The following TTC27 variants were observed in gnomAD, a reference collection of about 807,000 sequenced individuals.
The protein encoded by TTC27 is tetratricopeptide repeat protein 27.
In TTC27, 79 loss-of-function variants were observed where a neutral mutation model predicts 115.9. That is an observed-to-expected ratio of 0.68 (90% confidence interval 0.57 to 0.82). The LOEUF (loss-of-function observed/expected upper bound fraction) is 0.82. Among genes scored for constraint, TTC27 ranks in the 40% least tolerant of loss-of-function variants. The pLI, the probability that TTC27 is intolerant of heterozygous loss-of-function variation, is 0.00. For missense variants in TTC27, 1,054 were observed against 993.1 expected (o/e 1.06, Z -0.82); for synonymous variants, 401 against 356.0 (o/e 1.13, Z -1.42).
At chr2:32,713,805 C>A (rs1257351964) in intron 10 of TTC27, among the ~76,000 whole-genome samples, 1 of 151,952 alleles carries the variant, frequency 6.6e-6, no homozygotes, top group Non-Finnish European at 1.5e-5. Flanking sequence ...GGTACATGTG[C>A]AAGTTGTTAA....
chr2:32,811,780 C>A (rs764293354), intron 17 of TTC27, among the ~76,000 whole-genome samples: 7 of 152,174 alleles, frequency 4.6e-5, no homozygotes, highest in Admixed American at 1.3e-4. Flanking sequence ...CTTAAAGGAG[C>A]CTGCAGAGTT....
chr2:32,813,264 GA>G (rs1231798472), intron 18 of TTC27, among the ~76,000 whole-genome samples: 5 of 152,214 alleles, frequency 3.3e-5, no homozygotes, highest in Non-Finnish European at 7.4e-5. Flanking sequence ...CCAATGTTAA[GA>G]ACTGAATCAC....
chr2:32,630,618 G>T lies in TTC27; in HGVS notation c.184G>T (p.Ala62Ser), dbSNP rs746039172. Reference protein sequence around the residue: ...TQNIFNSTTTAEEKIDSYLEK... With the variant: ...TQNIFNSTTTSEEKIDSYLEK... ...AAATATTTTTAATTCAACAACAACC[G>T]CTGAAGAAAAGATTGATAGCTACCT... The change falls in exon 2 of 20, where the codon GCT (alanine) becomes TCT (serine). Residue 62 changes from alanine (A) to serine (S), a missense_variant. By Grantham distance (99) the Ala-to-Ser change is moderately conservative. Transcript: ENST00000317907. 6.2e-7 allele frequency: 1 copy of T among 1,613,530 alleles called. No individual in the cohort carries two copies. The highest frequency in any genetic ancestry group is 1.1e-5 in the South Asian group (1 of 91,026).
intron 9 of TTC27, among the ~76,000 whole-genome samples, chr2:32,683,279 G>A (rs190212035): frequency 7.2e-5 from 11 of 152,166 alleles, no homozygotes; most frequent in South Asian, 2.1e-4. Flanking sequence ...GTGAGCCACC[G>A]CGCCCGGCCA....
chr2:32,694,143 C>G (rs1283195729), intron 9 of TTC27, among the ~76,000 whole-genome samples: 1 of 151,958 alleles, frequency 6.6e-6, no homozygotes, highest in African/African-American at 2.4e-5. Context: ...GTGAACTGTT[C>G]AGAAATTTTC....
chr2:32,744,392 G>A (rs1305868999), intron 12 of TTC27, among the ~76,000 whole-genome samples: 1 of 152,052 alleles, frequency 6.6e-6, no homozygotes, highest in Admixed American at 6.5e-5. Context: ...TCACTTTCTT[G>A]ATTCTTCTTG....
intron 10 of TTC27, among the ~76,000 whole-genome samples, chr2:32,719,614 G>A (rs541431262): frequency 6.6e-6 from 1 of 152,170 alleles, no homozygotes; most frequent in Non-Finnish European, 1.5e-5. Context: ...AATAATTAAG[G>A]AAGTGTGTGG....
intron 10 of TTC27, among the ~76,000 whole-genome samples, chr2:32,733,214 G>C (rs1668350308): frequency 6.6e-6 from 1 of 152,166 alleles, no homozygotes; most frequent in African/African-American, 2.4e-5. Flanking sequence ...TGTAGCTTCT[G>C]AGAGTTTAGT....
Position 32,701,903 on chromosome 2 carries a change from C to T in TTC27, c.1120-904C>T, listed in dbSNP as rs117010692. Among the ~76,000 whole-genome samples, 824 of 151,512 alleles carry T rather than the reference C, an allele frequency of 5.4e-3. 10 individuals are homozygous for T. Among genetic ancestry groups the T allele is most frequent in the Admixed American group, 0.028 (430 of 15,200 alleles). On this transcript the variant is annotated intron_variant, in intron 9 of 19. Coordinates refer to ENST00000317907, the MANE Select transcript of TTC27 (RefSeq NM_017735.5). ...GTACAGGCCTGCCGTCCAAGCTACTCGGGTAGCTGAGGTGGGAGGATTGCA... is the reference window on the plus strand; with the variant it reads ...GTACAGGCCTGCCGTCCAAGCTACTTGGGTAGCTGAGGTGGGAGGATTGCA...
chr2:32,724,613 C>G (rs961295467), intron 10 of TTC27, among the ~76,000 whole-genome samples: 3 of 151,996 alleles, frequency 2.0e-5, no homozygotes, highest in African/African-American at 7.2e-5. Context: ...AAAGTACTTA[C>G]AAAAAACTTG....
At chr2:32,750,780 G>T (rs1271669273) in intron 12 of TTC27, among the ~76,000 whole-genome samples, 1 of 152,110 alleles carries the variant, frequency 6.6e-6, no homozygotes, top group Middle Eastern at 3.2e-3. Flanking sequence ...TTCCTTAGGG[G>T]TGATACATCA....
At chr2:32,768,583 C>A (rs1471437198) in intron 13 of TTC27, among the ~76,000 whole-genome samples, 1 of 152,196 alleles carries the variant, frequency 6.6e-6, no homozygotes, top group Non-Finnish European at 1.5e-5. Context: ...TCCAAAGGGC[C>A]TTAAATGCCC....
At chr2:32,667,254 G>A (rs1304864393) in intron 7 of TTC27, among the ~76,000 whole-genome samples, 1 of 151,802 alleles carries the variant, frequency 6.6e-6, no homozygotes, top group African/African-American at 2.4e-5. Flanking sequence ...TGGGGGGGTG[G>A]TTGCCTTAGT....
chr2:32,744,861 A>C (rs1290048071), intron 12 of TTC27, among the ~76,000 whole-genome samples: 1 of 152,100 alleles, frequency 6.6e-6, no homozygotes, highest in Admixed American at 6.5e-5. Context: ...CCAGCCCGCC[A>C]GCCTGGTGAA....
chr2:32,708,808 C>CCAGAAATAGAAACTAA (rs1238526402), intron 10 of TTC27, among the ~76,000 whole-genome samples: 6 of 151,910 alleles, frequency 3.9e-5, no homozygotes, highest in African/African-American at 1.5e-4. Flanking sequence ...CCTGGCTTAA[C>CCAGAAATAGAAACTAA]CAGAAATAGA....
chr2:32,660,649 T>C (rs1258844257), intron 5 of TTC27, among the ~76,000 whole-genome samples: 3 of 152,158 alleles, frequency 2.0e-5, no homozygotes, highest in Non-Finnish European at 4.4e-5. Flanking sequence ...TTTAAGTTCT[T>C]TGTAGATTCT....
chr2:32,706,079 T>TA (rs1444815130), intron 10 of TTC27, among the ~76,000 whole-genome samples: 1 of 93,488 alleles, frequency 1.1e-5, no homozygotes, highest in East Asian at 3.6e-4. Flanking sequence ...ACCTTACTCT[T>TA]TTTTTTTTTT....
chr2:32,733,875 C>T lies in TTC27; in HGVS notation c.1281C>T (p.Arg427=), dbSNP rs201257889. ...FEDKTTSVLE[R]LKIFYCCQVP... is the part of the protein sequence containing the mutation. ...ATAAAACTACATCTGTATTGGAACG[C>T]CTGAAGATTTTCTATTGCTGTCAAG... Residue 427 remains arginine (R), a synonymous_variant, in exon 11 of 20, where the codon CGC becomes CGT. Coordinates refer to ENST00000317907, the MANE Select transcript of TTC27 (RefSeq NM_017735.5). 11 of 1,612,176 alleles carry T rather than the reference C, an allele frequency of 6.8e-6. No homozygotes were observed. The highest frequency in any genetic ancestry group is 1.3e-5 in the African/African-American group (1 of 74,842).
chr2:32,673,578 C>T (rs1666090578), intron 8 of TTC27, among the ~76,000 whole-genome samples: 1 of 152,154 alleles, frequency 6.6e-6, no homozygotes, highest in South Asian at 2.1e-4. Context: ...TTGTTATTCT[C>T]ATTGCATCCT....
Sources: allele counts gnomAD v4.1 joint callset (sites outside exome capture counted in the v4.1 genomes callset), GRCh38; gene constraint gnomAD v4.1.1; transcripts MANE v1.5; gene names NCBI Gene and HGNC (gene_info 2026-07-23, HGNC 2026-07-21).